CYP2C19: variants seen among roughly 807,000 people sequenced by gnomAD.
The protein encoded by CYP2C19 is cytochrome P450 family 2 subfamily C member 19.
Under a neutral mutation model 40.9 loss-of-function variants are expected in CYP2C19, and 59 were observed. The ratio of observed to expected loss-of-function variants is 1.44; its 90% CI spans 1.17 to 1.79. The LOEUF is 1.79. Among genes scored for constraint, CYP2C19 ranks in the 40% most tolerant of loss-of-function variants. The pLI is 0.00. For synonymous variants in CYP2C19, 253 were observed against 208.7 expected (o/e 1.21, Z -1.83); for missense variants, 754 against 596.9 (o/e 1.26, Z -2.74).
intron 6 of CYP2C19, among the ~76,000 whole-genome samples, chr10:94,830,437 C>T (rs1354043374): frequency 1.3e-5 from 2 of 152,204 alleles, no homozygotes; most frequent in African/African-American, 2.4e-5. Flanking sequence ...GTCTGTCACC[C>T]CTTTCTTTGA....
intron 5 of CYP2C19, among the ~76,000 whole-genome samples, chr10:94,789,672 C>T (rs1008691782): frequency 6.6e-6 from 1 of 152,058 alleles, no homozygotes; most frequent in African/African-American, 2.4e-5. Context: ...GGTGTTATTT[C>T]TGAGGCCTCT....
chr10:94,818,782 G>A (rs981417506), intron 5 of CYP2C19, among the ~76,000 whole-genome samples: 4 of 150,346 alleles, frequency 2.7e-5, no homozygotes, highest in Admixed American at 6.6e-5. Flanking sequence ...AGCTTAAGGA[G>A]ATTTTGGGCT....
At position 94,810,642 on chromosome 10, in the gene CYP2C19, C is replaced by T. The variant is rs528987093; in HGVS notation, c.820-9854C>T. 2.6e-5 allele frequency among the ~76,000 whole-genome samples: 4 copies of T among 152,222 alleles called. No homozygotes were observed. The South Asian group carries it at 6.2e-4, about 24-fold the overall frequency. ...GGGTGTATGTGTCTAGAAATTTATC[C>T]ATTTCTTCTAGATTTTCTAGTTTAT... On this transcript the variant is annotated intron_variant, in intron 5 of 8. Transcript: ENST00000371321.
At chr10:94,828,130 G>A (rs562529977) in intron 6 of CYP2C19, among the ~76,000 whole-genome samples, 29 of 152,244 alleles carry the variant, frequency 1.9e-4, no homozygotes, top group African/African-American at 6.5e-4. Context: ...CTGAAAAAAT[G>A]TATATTCTGT....
chr10:94,798,224 A>T (rs1255068181), intron 5 of CYP2C19, among the ~76,000 whole-genome samples: 1 of 151,960 alleles, frequency 6.6e-6, no homozygotes, highest in African/African-American at 2.4e-5. Flanking sequence ...GAACATCTTT[A>T]TTTCTTCCTT....
intron 3 of CYP2C19, among the ~76,000 whole-genome samples, chr10:94,777,573 T>C (rs964760391): frequency 6.6e-6 from 1 of 152,166 alleles, no homozygotes; most frequent in East Asian, 1.9e-4. Context: ...ATTTAATAAA[T>C]GGTGTTGGAC....
chr10:94,850,582 T>C (rs529933912), intron 8 of CYP2C19, among the ~76,000 whole-genome samples: 1 of 152,312 alleles, frequency 6.6e-6, no homozygotes, highest in African/African-American at 2.4e-5. Flanking sequence ...AAGAACAGGC[T>C]GTTGTGGGTT....
intron 6 of CYP2C19, among the ~76,000 whole-genome samples, chr10:94,822,189 A>G (rs1849134745): frequency 6.6e-6 from 1 of 152,132 alleles, no homozygotes; most frequent in Non-Finnish European, 1.5e-5. Context: ...GCTGCTAATA[A>G]AGACATACCT....
Position 94,820,524 on chromosome 10 carries a change from C to G in CYP2C19, c.848C>G (p.Thr283Ser). 1 of 1,614,152 alleles carries G rather than the reference C, an allele frequency of 6.2e-7. No individual in the cohort carries two copies. The stretch of plus-strand genomic sequence containing the variant: ...AAGCAAAACCAACAGTCTGAATTCA[C>G]TATTGAAAACTTGGTAATCACTGCA... ...KEKQNQQSEFTIENLVITAAD... is the reference protein window; with the variant it reads ...KEKQNQQSEFSIENLVITAAD... Residue 283 changes from threonine (T) to serine (S), a missense_variant, in exon 6 of 9, where the codon ACT (threonine) becomes AGT (serine). Coordinates refer to ENST00000371321, the MANE Select transcript of CYP2C19 (RefSeq NM_000769.4).
At chr10:94,830,426 C>T (rs1175522447) in intron 6 of CYP2C19, among the ~76,000 whole-genome samples, 4 of 152,066 alleles carry the variant, frequency 2.6e-5, no homozygotes, top group African/African-American at 7.2e-5. Context: ...TTCCAGGTGC[C>T]GTCTGTCACC....
At chr10:94,797,329 C>G (rs1848703992) in intron 5 of CYP2C19, among the ~76,000 whole-genome samples, 1 of 152,112 alleles carries the variant, frequency 6.6e-6, no homozygotes, top group East Asian at 1.9e-4. Flanking sequence ...GCCTTGCATC[C>G]CAGGGATGAA....
chr10:94,811,950 G>A (rs1236575795), intron 5 of CYP2C19, among the ~76,000 whole-genome samples: 1 of 145,848 alleles, frequency 6.9e-6, no homozygotes, highest in Non-Finnish European at 1.5e-5. Context: ...TTTAGTTGAT[G>A]CAGTTTTTTT....
intron 5 of CYP2C19, among the ~76,000 whole-genome samples, chr10:94,791,448 T>C (rs910138602): frequency 2.0e-5 from 3 of 152,158 alleles, no homozygotes; most frequent in Admixed American, 6.5e-5. Flanking sequence ...GTTCTTTTAA[T>C]TGTGATGTTA....
intron 1 of CYP2C19, among the ~76,000 whole-genome samples, chr10:94,769,338 C>A (rs992172561): frequency 6.6e-6 from 1 of 152,138 alleles, no homozygotes; most frequent in Non-Finnish European, 1.5e-5. Flanking sequence ...GAGATGAGGG[C>A]TATCCCTAAA....
intron 5 of CYP2C19, among the ~76,000 whole-genome samples, chr10:94,808,526 A>G (rs541130288): frequency 1.3e-5 from 2 of 152,272 alleles, no homozygotes; most frequent in African/African-American, 4.8e-5. Context: ...ACTAGGACTT[A>G]TTCATTAATT....
rs1196213486 is a variant in CYP2C19, at chr10:94,765,171, G to GA, written c.168+2299dup. On this transcript the variant is annotated intron_variant, in intron 1 of 8. Transcript: ENST00000371321. ...TGTGTGGTAGTAGGATAATGAAGTA[G>GA]ATAAACTGGCTATTCTGGTTCCTGT... 8.5e-5 allele frequency among the ~76,000 whole-genome samples: 13 copies of GA among 152,096 alleles called. 1 individual carries two copies. The highest frequency in any genetic ancestry group is 7.2e-4 in the Admixed American group (11 of 15,272).
At chr10:94,783,005 T>C (rs1198925499) in intron 5 of CYP2C19, among the ~76,000 whole-genome samples, 2 of 152,014 alleles carry the variant, frequency 1.3e-5, no homozygotes, top group South Asian at 2.1e-4. Context: ...AAATACCTAA[T>C]GTAGATGACA....
intron 1 of CYP2C19, among the ~76,000 whole-genome samples, chr10:94,768,005 G>T (rs747789431): frequency 2.6e-4 from 40 of 152,224 alleles, no homozygotes; most frequent in Middle Eastern, 3.4e-3. Flanking sequence ...TCACCTTTCT[G>T]ATGTCTTTGG....
intron 6 of CYP2C19, among the ~76,000 whole-genome samples, chr10:94,836,465 GAC>G (rs2134281922): frequency 6.6e-6 from 1 of 152,286 alleles, no homozygotes; most frequent in East Asian, 1.9e-4. Context: ...TTGGGTTAGA[GAC>G]TTCTTTAGGG....
Sources: allele counts gnomAD v4.1 joint callset (sites outside exome capture counted in the v4.1 genomes callset), GRCh38; gene constraint gnomAD v4.1.1; transcripts MANE v1.5; gene names NCBI Gene and HGNC (gene_info 2026-07-23, HGNC 2026-07-21).